The following BTBD9 variants were observed in gnomAD, a reference collection of about 807,000 sequenced individuals.
BTBD9 encodes BTB/POZ domain-containing protein 9.
BTBD9 carries 49 observed loss-of-function variants against 64.3 expected under a neutral mutation model. That is an observed-to-expected ratio of 0.76 (90% CI 0.61 to 0.97). BTBD9 has a LOEUF of 0.97. Among genes scored for constraint, BTBD9 ranks in the 50% least tolerant of loss-of-function variants. BTBD9 has a pLI of 0.00. For synonymous variants in BTBD9, 260 were observed against 274.7 expected (o/e 0.95, Z 0.53); for missense variants, 598 against 762.1 (o/e 0.78, Z 2.53).
chr6:38,425,958 A>ACACACACAC (rs1554150450), intron 6 of BTBD9, among the ~76,000 whole-genome samples: 62 of 150,364 alleles, frequency 4.1e-4, no homozygotes, highest in South Asian at 1.3e-3. Context: ...ACACACACAC[A>ACACACACAC]AACAAAAGCA....
chr6:38,340,012 CA>C (rs1764039526), intron 7 of BTBD9, among the ~76,000 whole-genome samples: 1 of 151,970 alleles, frequency 6.6e-6, no homozygotes, highest in Non-Finnish European at 1.5e-5. Flanking sequence ...GGGGATAGAG[CA>C]AATGAATATT....
chr6:38,299,393 A>G (rs1479689703), intron 7 of BTBD9, among the ~76,000 whole-genome samples: 4 of 152,192 alleles, frequency 2.6e-5, no homozygotes, highest in Non-Finnish European at 5.9e-5. Context: ...TGCTGGGTCA[A>G]ATGGTATTTC....
intron 6 of BTBD9, among the ~76,000 whole-genome samples, chr6:38,515,672 G>A (rs1278743967): frequency 6.6e-6 from 1 of 151,764 alleles, no homozygotes; most frequent in African/African-American, 2.4e-5. Flanking sequence ...ATTCTTTCTG[G>A]GCCTGCATAT....
At chr6:38,307,599 C>A (rs1297362224) in intron 7 of BTBD9, among the ~76,000 whole-genome samples, 1 of 152,148 alleles carries the variant, frequency 6.6e-6, no homozygotes, top group Non-Finnish European at 1.5e-5. Context: ...GAGCCCCTTT[C>A]CCCTAATCGA....
rs565855395 is a variant in BTBD9 at position 38,399,251 on chromosome 6, T to C, written c.1155-54158A>G. On this transcript the variant is annotated intron_variant, in intron 6 of 10. Coordinates refer to ENST00000481247, the MANE Select transcript of BTBD9 (RefSeq NM_001099272.2). ...TTAATATAATGCACCCAATACTACC[T>C]AGATTTAGAATATTTAGGATATCTG... Among the ~76,000 whole-genome samples, 13 of 152,350 alleles carry C rather than the reference T, an allele frequency of 8.5e-5. No individual in the cohort carries two copies. In the East Asian group the frequency reaches 1.7e-3, roughly 20 times the overall value.
chr6:38,345,604 C>A (rs1201331905), intron 6 of BTBD9, among the ~76,000 whole-genome samples: 2 of 152,192 alleles, frequency 1.3e-5, no homozygotes, highest in Non-Finnish European at 2.9e-5. Context: ...CTCACAGTTT[C>A]TTTTATTTTA....
At chr6:38,202,457 C>T (rs148135921) in intron 9 of BTBD9, among the ~76,000 whole-genome samples, 1 of 151,884 alleles carries the variant, frequency 6.6e-6, no homozygotes, top group Admixed American at 6.6e-5. Context: ...GCCAGTATAG[C>T]TAAAGCAATC....
chr6:38,185,393 A>T (rs1044015351), intron 10 of BTBD9, among the ~76,000 whole-genome samples: 2 of 152,150 alleles, frequency 1.3e-5, no homozygotes, highest in East Asian at 3.9e-4. Flanking sequence ...CTGCTTATCA[A>T]TGCCTGACTC....
intron 6 of BTBD9, among the ~76,000 whole-genome samples, chr6:38,473,351 G>A (rs944089011): frequency 1.3e-5 from 2 of 152,176 alleles, no homozygotes; most frequent in African/African-American, 4.8e-5. Flanking sequence ...TTTTATTAAG[G>A]CAGGAGATTG....
intron 6 of BTBD9, among the ~76,000 whole-genome samples, chr6:38,373,738 G>C (rs1765519574): frequency 6.6e-6 from 1 of 152,004 alleles, no homozygotes; most frequent in Non-Finnish European, 1.5e-5. Context: ...ATGTTGCCCT[G>C]GCTGGTCTCA....
In BTBD9 at chr6:38,417,726, T is replaced by C. The variant is rs556063424; in HGVS notation, c.1155-72633A>G. Reference sequence around the variant, plus strand: ...AGGTTGAGGCTGCAGTGAGCCCTGATTGCGCCACTGCATTCCAGCCTAGGT... The same window carrying C: ...AGGTTGAGGCTGCAGTGAGCCCTGACTGCGCCACTGCATTCCAGCCTAGGT... On this transcript the variant is annotated intron_variant, in intron 6 of 10. Transcript: ENST00000481247. 4.7e-5 allele frequency among the ~76,000 whole-genome samples: 7 copies of C among 149,186 alleles called. No homozygotes were observed. The South Asian group carries it at 1.5e-3, about 32-fold the overall frequency.
chr6:38,559,839 AT>A (rs2127455646), intron 6 of BTBD9, among the ~76,000 whole-genome samples: 1 of 152,322 alleles, frequency 6.6e-6, no homozygotes, highest in East Asian at 1.9e-4. Context: ...AGAATTCCCT[AT>A]TTAATAAACA....
chr6:38,558,257 T>TAAA (rs36105146), intron 6 of BTBD9, among the ~76,000 whole-genome samples: 244 of 146,258 alleles, frequency 1.7e-3, no homozygotes, highest in Middle Eastern at 7.2e-3. Flanking sequence ...GACCCTTTCT[T>TAAA]AAAAAAAAAA....
At chr6:38,597,878 C>T (rs1450581223) in intron 2 of BTBD9, 32 bp downstream of exon 2, 2 of 1,596,216 alleles carry the variant, frequency 1.3e-6, no homozygotes, top group East Asian at 4.5e-5. Context: ...TACAAGTGAA[C>T]TAAATTTTCA....
At chr6:38,323,389 G>A (rs1361361067) in intron 7 of BTBD9, among the ~76,000 whole-genome samples, 1 of 152,192 alleles carries the variant, frequency 6.6e-6, no homozygotes, top group Non-Finnish European at 1.5e-5. Context: ...GGAAGAAAAA[G>A]GGTGCAGAGG....
intron 9 of BTBD9, among the ~76,000 whole-genome samples, chr6:38,207,064 A>G (rs1762680853): frequency 6.6e-6 from 1 of 152,228 alleles, no homozygotes; most frequent in African/African-American, 2.4e-5. Flanking sequence ...TGTTTGCAGC[A>G]TAGGGAAGAA....
intron 9 of BTBD9, among the ~76,000 whole-genome samples, chr6:38,202,476 A>G (rs1762501835): frequency 6.6e-6 from 1 of 152,216 alleles, no homozygotes; most frequent in Non-Finnish European, 1.5e-5. Context: ...TCCTAAGAAA[A>G]AAGAACAAAG....
chr6:38,511,974 T>A (rs1772794876), intron 6 of BTBD9, among the ~76,000 whole-genome samples: 1 of 151,932 alleles, frequency 6.6e-6, no homozygotes, highest in South Asian at 2.1e-4. Flanking sequence ...CCTACCACTA[T>A]TTTTCCCCCT....
intron 6 of BTBD9, among the ~76,000 whole-genome samples, chr6:38,417,941 G>A (rs1767749412): frequency 6.6e-6 from 1 of 152,154 alleles, no homozygotes; most frequent in Non-Finnish European, 1.5e-5. Flanking sequence ...TTTTCCCAAA[G>A]GGGAAGATTT....
Sources: gnomAD v4.1 joint callset for allele counts (sites outside exome capture counted in the v4.1 genomes callset) on GRCh38, gnomAD v4.1.1 for gene constraint, MANE v1.5 for transcripts, NCBI Gene and HGNC (gene_info 2026-07-23, HGNC 2026-07-21) for gene names.